Variants in PRKG1 observed in about 807,000 individuals in gnomAD.
PRKG1 encodes the protein cGMP-dependent protein kinase 1.
A neutral mutation model predicts 88.1 loss-of-function variants in PRKG1; 35 were observed. The ratio of observed to expected loss-of-function variants is 0.40; its 90% CI spans 0.30 to 0.53. PRKG1 has a LOEUF of 0.53. PRKG1 is among the 20% of genes least tolerant of loss of function. PRKG1 has a pLI of 0.59. For synonymous variants in PRKG1, 303 were observed against 292.5 expected (o/e 1.04, Z -0.37); for missense variants, 540 against 839.8 (o/e 0.64, Z 4.41).
chr10:51,155,040 G>A (rs1564620468), intron 2 of PRKG1, among the ~76,000 whole-genome samples: 1 of 151,878 alleles, frequency 6.6e-6, no homozygotes, highest in Admixed American at 6.6e-5. Context: ...ATATTATATT[G>A]GTCAGCACCT....
chr10:51,756,183 T>C (rs917601716), intron 3 of PRKG1, among the ~76,000 whole-genome samples: 1 of 152,088 alleles, frequency 6.6e-6, no homozygotes, highest in Non-Finnish European at 1.5e-5. Flanking sequence ...GATACAATAA[T>C]TGTAATAAGT....
chr10:51,074,375 C>A, upstream of PRKG1: 1 of 1,283,758 alleles, frequency 7.8e-7, no homozygotes, highest in Non-Finnish European at 1.0e-6. Flanking sequence ...CTGAGCCTCA[C>A]AGCCAGCCCA....
At chr10:51,612,018 C>A (rs1299839736) in intron 3 of PRKG1, among the ~76,000 whole-genome samples, 2 of 151,980 alleles carry the variant, frequency 1.3e-5, no homozygotes, top group African/African-American at 4.8e-5. Flanking sequence ...GTGTCAGTGC[C>A]ATGCTGTTTT....
At chr10:51,529,807 C>T (rs1045398265) in intron 3 of PRKG1, among the ~76,000 whole-genome samples, 1 of 152,188 alleles carries the variant, frequency 6.6e-6, no homozygotes, top group Non-Finnish European at 1.5e-5. Context: ...AAACAGACCT[C>T]ATATGTAAAA....
intron 10 of PRKG1, among the ~76,000 whole-genome samples, chr10:52,265,597 T>A (rs867806090): frequency 6.6e-6 from 1 of 152,004 alleles, no homozygotes; most frequent in Non-Finnish European, 1.5e-5. Flanking sequence ...AGGCAAAAAA[T>A]TGGGTCCAGT....
intron 5 of PRKG1, among the ~76,000 whole-genome samples, chr10:51,945,766 G>T (rs1309848003): frequency 2.0e-5 from 3 of 151,308 alleles, no homozygotes; most frequent in African/African-American, 7.3e-5. Context: ...TTTTCTTTAA[G>T]AATGTTGAAT....
intron 1 of PRKG1, among the ~76,000 whole-genome samples, chr10:51,017,211 G>A (rs1810450124): frequency 6.6e-6 from 1 of 151,962 alleles, no homozygotes; most frequent in Non-Finnish European, 1.5e-5. Flanking sequence ...TGCTCCTGTA[G>A]CACCCTTTAT....
rs560743187 is a variant in PRKG1, at chr10:51,650,489, A to G, written c.593-154096A>G. The stretch of plus-strand genomic sequence containing the variant: ...TAGCAACGCTAAAACCAATGAAAAC[A>G]CATTACTCTTAGTTCTTAGAGTATT... On this transcript the variant is annotated intron_variant, in intron 3 of 17. Transcript: ENST00000373980. Among the ~76,000 whole-genome samples the G allele has an allele frequency of 2.6e-5, 4 of 152,368 alleles. No homozygotes were observed. The South Asian group carries it at 8.3e-4, about 32-fold the overall frequency.
chr10:51,667,709 T>C (rs1436678515), intron 3 of PRKG1, among the ~76,000 whole-genome samples: 1 of 152,212 alleles, frequency 6.6e-6, no homozygotes, highest in African/African-American at 2.4e-5. Flanking sequence ...TGCTCAAATT[T>C]ATTAAGATTT....
intron 3 of PRKG1, among the ~76,000 whole-genome samples, chr10:51,720,510 T>C (rs994685064): frequency 2.0e-5 from 3 of 152,202 alleles, no homozygotes; most frequent in Non-Finnish European, 4.4e-5. Context: ...CTCAACAATA[T>C]TCCTATGACG....
intron 9 of PRKG1, among the ~76,000 whole-genome samples, chr10:52,239,742 A>G (rs1014889800): frequency 6.6e-6 from 1 of 152,118 alleles, no homozygotes; most frequent in Non-Finnish European, 1.5e-5. Context: ...ATATGGCTAA[A>G]GTGAAATCTG....
intron 3 of PRKG1, among the ~76,000 whole-genome samples, chr10:51,796,184 T>A (rs1321385328): frequency 6.6e-6 from 1 of 152,044 alleles, no homozygotes; most frequent in African/African-American, 2.4e-5. Flanking sequence ...AAGAAATGTG[T>A]AAAGAAATGA....
In PRKG1 at chr10:51,632,586, A is replaced by T. The variant is rs138471989; in HGVS notation, c.592+164750A>T. The stretch of plus-strand genomic sequence containing the variant: ...TGGGGCAGCTAGGTTAATCGTATCT[A>T]TCTGTTGTCCCCTACTGAGCTGATA... On this transcript the variant is annotated intron_variant, in intron 3 of 17. Transcript: ENST00000373980. Among the ~76,000 whole-genome samples, 86 of 152,300 alleles carry T rather than the reference A, an allele frequency of 5.6e-4. No homozygotes were observed. In the Middle Eastern group the frequency reaches 0.01, roughly 18 times the overall value.
chr10:52,206,150 C>A (rs1166727073), intron 9 of PRKG1, among the ~76,000 whole-genome samples: 6 of 152,060 alleles, frequency 3.9e-5, no homozygotes, highest in Non-Finnish European at 8.8e-5. Flanking sequence ...ATTCAGAGAA[C>A]CAGTCTTCCA....
chr10:51,613,529 C>A (rs1193149377), intron 3 of PRKG1, among the ~76,000 whole-genome samples: 1 of 151,412 alleles, frequency 6.6e-6, no homozygotes, highest in Non-Finnish European at 1.5e-5. Context: ...CTGTTCTGAT[C>A]TTTATTATTT....
At chr10:52,267,186 T>G (rs1841595092) in intron 10 of PRKG1, among the ~76,000 whole-genome samples, 1 of 152,064 alleles carries the variant, frequency 6.6e-6, no homozygotes. Flanking sequence ...TAAAATATTT[T>G]TATAATAAAA....
intron 8 of PRKG1, among the ~76,000 whole-genome samples, chr10:52,158,574 G>T (rs1207776760): frequency 4.6e-5 from 7 of 151,640 alleles, no homozygotes; most frequent in Non-Finnish European, 8.9e-5. Flanking sequence ...ACAGGGATCT[G>T]CAGACAGTGG....
At position 52,127,720 on chromosome 10, in the gene PRKG1, A is replaced by G. The variant is rs78335035; in HGVS notation, c.936-6120A>G. Among the ~76,000 whole-genome samples the G allele has an allele frequency of 7.3e-3, 1,113 of 152,272 alleles. 15 individuals are homozygous for G. Among genetic ancestry groups the G allele is most frequent in the African/African-American group, 0.025 (1,030 of 41,560 alleles). The stretch of plus-strand genomic sequence containing the variant: ...CATGATCATGATGATTGTCACTAAC[A>G]TTTATTGGTTGATTACTCTGTGCAA... On this transcript the variant is annotated intron_variant, in intron 7 of 17. Transcript: ENST00000373980.
chr10:51,192,907 A>G (rs1164418135), intron 2 of PRKG1, among the ~76,000 whole-genome samples: 2 of 151,946 alleles, frequency 1.3e-5, no homozygotes, highest in African/African-American at 2.4e-5. Context: ...TTTATTGAGC[A>G]TTTGTTGGAA....
Sources: gnomAD v4.1 joint callset for allele counts (sites outside exome capture counted in the v4.1 genomes callset) on GRCh38, gnomAD v4.1.1 for gene constraint, MANE v1.5 for transcripts, NCBI Gene and HGNC (gene_info 2026-07-23, HGNC 2026-07-21) for gene names.